MACROD2: variants seen among roughly 807,000 people sequenced by gnomAD.
MACROD2 encodes ADP-ribose glycohydrolase MACROD2.
Under a neutral mutation model 70.4 loss-of-function variants are expected in MACROD2, and 36 were observed. That is an observed-to-expected ratio of 0.51 (90% CI 0.39 to 0.68). The LOEUF (loss-of-function observed/expected upper bound fraction) is 0.68, where lower values mean the gene tolerates loss of function less well. Among genes scored for constraint, MACROD2 ranks in the 30% least tolerant of loss-of-function variants. The pLI is 0.00. For missense variants in MACROD2, 496 were observed against 538.4 expected (o/e 0.92, Z 0.78); for synonymous variants, 172 against 178.8 (o/e 0.96, Z 0.30).
At chr20:15,819,781 G>A (rs1170396991) in intron 8 of MACROD2, among the ~76,000 whole-genome samples, 1 of 151,992 alleles carries the variant, frequency 6.6e-6, no homozygotes, top group African/African-American at 2.4e-5. Flanking sequence ...GGGAGGAAAT[G>A]GAGAGATATA....
chr20:15,456,347 C>A (rs192415779), intron 7 of MACROD2, among the ~76,000 whole-genome samples: 45 of 152,314 alleles, frequency 3.0e-4, no homozygotes, highest in Non-Finnish European at 4.9e-4. Flanking sequence ...TCCACGCAAG[C>A]AGTTTGGAGT....
intron 5 of MACROD2, among the ~76,000 whole-genome samples, chr20:14,747,659 G>A (rs1467886453): frequency 6.6e-6 from 1 of 152,088 alleles, no homozygotes; most frequent in Non-Finnish European, 1.5e-5. Context: ...TTGCTCGGGT[G>A]GAAGGAGGGA....
chr20:16,021,513 C>T (rs947046699), intron 15 of MACROD2, among the ~76,000 whole-genome samples: 3 of 152,180 alleles, frequency 2.0e-5, no homozygotes, highest in African/African-American at 4.8e-5. Flanking sequence ...CCAGGCAAAG[C>T]GAGCTCCAGA....
intron 6 of MACROD2, among the ~76,000 whole-genome samples, chr20:15,380,907 A>C (rs1433916340): frequency 1.3e-5 from 2 of 152,060 alleles, no homozygotes; most frequent in Admixed American, 1.3e-4. Context: ...CAGTCACATC[A>C]CTGAGAACAA....
Position 15,259,563 on chromosome 20 carries a change from G to C in MACROD2, c.540+29502G>C, listed in dbSNP as rs921733005. ...CATCTGCATACTGAAGAGCAGTTAT[G>C]AGTCAGTTGTTTTTAAAGCCATACA... On this transcript the variant is annotated intron_variant, in intron 6 of 17. Coordinates refer to ENST00000684519, the MANE Select transcript of MACROD2 (RefSeq NM_001351661.2). Among the ~76,000 whole-genome samples the C allele has an allele frequency of 4.2e-4, 64 of 152,080 alleles. 1 individual carries two copies. Among genetic ancestry groups the C allele is most frequent in the African/African-American group, 1.5e-3 (63 of 41,506 alleles).
At chr20:15,860,610 T>C (rs1307782933) in intron 8 of MACROD2, among the ~76,000 whole-genome samples, 4 of 152,142 alleles carry the variant, frequency 2.6e-5, no homozygotes, top group Non-Finnish European at 4.4e-5. Flanking sequence ...TATAAAAGTA[T>C]AGAAAATATA....
At chr20:14,224,933 G>A (rs941253784) in intron 3 of MACROD2, among the ~76,000 whole-genome samples, 2 of 152,080 alleles carry the variant, frequency 1.3e-5, no homozygotes, top group Admixed American at 6.6e-5. Context: ...ACCTGATACC[G>A]TATTCCAGTG....
chr20:15,920,902 G>T (rs1055152955), intron 10 of MACROD2, among the ~76,000 whole-genome samples: 2 of 152,012 alleles, frequency 1.3e-5, no homozygotes, highest in Non-Finnish European at 2.9e-5. Flanking sequence ...CTCATTCTTC[G>T]CACCTCCGTC....
chr20:14,224,213 G>A (rs760467314), intron 3 of MACROD2, among the ~76,000 whole-genome samples: 1 of 152,164 alleles, frequency 6.6e-6, no homozygotes, highest in Non-Finnish European at 1.5e-5. Flanking sequence ...ACTATCACAG[G>A]AACTTGTTTT....
rs1032427936 is a variant in MACROD2 at position 14,122,033 on chromosome 20, A to G, written c.271+36305A>G. On this transcript the variant is annotated intron_variant, in intron 3 of 17. Coordinates refer to ENST00000684519, the MANE Select transcript of MACROD2 (RefSeq NM_001351661.2). ...TCTTCCTGCTATATAAAAGACATTA[A>G]AACTTTTTTAGGCTATCAATAATAT... 2.0e-5 allele frequency among the ~76,000 whole-genome samples: 3 copies of G among 152,148 alleles called. No homozygotes were observed. In the South Asian group the frequency reaches 6.2e-4, roughly 32 times the overall value.
intron 8 of MACROD2, among the ~76,000 whole-genome samples, chr20:15,693,306 G>C (rs2050321849): frequency 6.6e-6 from 1 of 152,188 alleles, no homozygotes; most frequent in African/African-American, 2.4e-5. Flanking sequence ...CTGTGAAACA[G>C]AGCCCAGTCA....
intron 6 of MACROD2, among the ~76,000 whole-genome samples, chr20:15,250,660 C>CA: frequency 6.6e-6 from 1 of 152,276 alleles, no homozygotes; most frequent in Admixed American, 6.5e-5. Flanking sequence ...ATATGCCATC[C>CA]TCTGTGTTTA....
rs558625412 is a variant in MACROD2, at chr20:15,771,922, A to G, written c.646-90823A>G. 3.2e-4 allele frequency among the ~76,000 whole-genome samples: 48 copies of G among 151,162 alleles called. 1 individual carries two copies. Among genetic ancestry groups the G allele is most frequent in the Non-Finnish European group, 6.2e-4 (42 of 67,806 alleles). ...AACACGGTGAAACCCCATCTCTACT[A>G]AAAATACAAACAATTAGCCGGGCGT... On this transcript the variant is annotated intron_variant, in intron 8 of 17. Coordinates refer to ENST00000684519, the MANE Select transcript of MACROD2 (RefSeq NM_001351661.2).
intron 8 of MACROD2, among the ~76,000 whole-genome samples, chr20:15,547,559 C>T (rs2048041490): frequency 1.3e-5 from 2 of 152,174 alleles, no homozygotes; most frequent in African/African-American, 4.8e-5. Context: ...ATATTACCTT[C>T]CATTATCTTA....
At chr20:15,031,411 C>G (rs551173936) in intron 5 of MACROD2, among the ~76,000 whole-genome samples, 10 of 152,326 alleles carry the variant, frequency 6.6e-5, no homozygotes, top group Middle Eastern at 3.4e-3. Context: ...GAGTTCTTGT[C>G]TGGCATCCAG....
chr20:15,784,697 A>T (rs375369920), intron 8 of MACROD2, among the ~76,000 whole-genome samples: 9 of 152,180 alleles, frequency 5.9e-5, no homozygotes, highest in African/African-American at 1.9e-4. Flanking sequence ...AGATGAGTGG[A>T]TAGACATATG....
intron 3 of MACROD2, among the ~76,000 whole-genome samples, chr20:14,133,282 C>T (rs1025043261): frequency 6.6e-6 from 1 of 152,186 alleles, no homozygotes; most frequent in African/African-American, 2.4e-5. Context: ...TCATCAGGAA[C>T]CTAGGCTAAT....
chr20:15,225,017 A>C (rs1432103854), intron 5 of MACROD2, among the ~76,000 whole-genome samples: 2 of 151,788 alleles, frequency 1.3e-5, no homozygotes, highest in Non-Finnish European at 2.9e-5. Context: ...TAATATGTAA[A>C]CTGATGTCAC....
intron 5 of MACROD2, among the ~76,000 whole-genome samples, chr20:15,035,582 G>A (rs2075306752): frequency 6.6e-6 from 1 of 152,102 alleles, no homozygotes; most frequent in African/African-American, 2.4e-5. Flanking sequence ...AGCAATCAGT[G>A]CCATTCTTTA....
Sources: gnomAD v4.1 joint callset for allele counts (sites outside exome capture counted in the v4.1 genomes callset) on GRCh38, gnomAD v4.1.1 for gene constraint, MANE v1.5 for transcripts, NCBI Gene and HGNC (gene_info 2026-07-23, HGNC 2026-07-21) for gene names.